Variants in SVOP observed in about 807,000 individuals in gnomAD.
SVOP encodes synaptic vesicle 2-related protein.
A neutral mutation model predicts 69.1 loss-of-function variants in SVOP; 17 were observed. That is an observed-to-expected ratio of 0.25 (90% CI 0.17 to 0.37). The LOEUF is 0.37. Among genes scored for constraint, SVOP ranks in the 10% least tolerant of loss-of-function variants. The probability of loss-of-function intolerance (pLI) is 1.00; values close to 1 mark genes in which losing one functional copy is unlikely to be tolerated. For missense variants in SVOP, 435 were observed against 597.5 expected, an observed-to-expected ratio of 0.73 and a Z score of 2.84; for synonymous variants, 238 against 238.6, an observed-to-expected ratio of 1.00 and a Z score of 0.02.
Position 108,976,706 on chromosome 12 carries a change from C to T in SVOP, c.381+692G>A, listed in dbSNP as rs569634140. On this transcript the variant is annotated intron_variant, in intron 4 of 15. Coordinates refer to ENST00000610966, the MANE Select transcript of SVOP (RefSeq NM_018711.5). ...TCTCAGCTCACTGCAACCTCTGCCTCCCGGATTCAAGCAATTCTCCTGCCT... is the reference window on the plus strand; with the variant it reads ...TCTCAGCTCACTGCAACCTCTGCCTTCCGGATTCAAGCAATTCTCCTGCCT... Among the ~76,000 whole-genome samples, 33 of 152,086 alleles carry T rather than the reference C, an allele frequency of 2.2e-4. No individual in the cohort carries two copies. The South Asian group carries it at 4.8e-3, about 22-fold the overall frequency.
At chr12:108,986,109 CA>C (rs1442370490) in intron 1 of SVOP, among the ~76,000 whole-genome samples, 2 of 152,212 alleles carry the variant, frequency 1.3e-5, no homozygotes, top group African/African-American at 4.8e-5. Context: ...GCTAACATTT[CA>C]CCCCCTCTAC....
At chr12:108,955,052 C>A (rs1189428374) in intron 6 of SVOP, among the ~76,000 whole-genome samples, 1 of 152,202 alleles carries the variant, frequency 6.6e-6, no homozygotes, top group African/African-American at 2.4e-5. Context: ...TTTCTTACTA[C>A]TTCTATGTCA....
At chr12:108,945,070 T>C (rs1350376949) in intron 7 of SVOP, 33 bp downstream of exon 7, 5 of 1,534,506 alleles carry the variant, frequency 3.3e-6, no homozygotes, top group African/African-American at 2.7e-5. Flanking sequence ...GGAATCCACA[T>C]GCTCTAGAGA....
intron 10 of SVOP, chr12:108,936,965 G>A: frequency 8.2e-6 from 3 of 364,030 alleles, no homozygotes; most frequent in Non-Finnish European, 1.5e-5. Flanking sequence ...GGGAGGCTGA[G>A]GAGGGAGGAT....
intron 1 of SVOP, among the ~76,000 whole-genome samples, chr12:108,984,938 T>C (rs2137439523): frequency 6.6e-6 from 1 of 152,172 alleles, no homozygotes; most frequent in Non-Finnish European, 1.5e-5. Flanking sequence ...TTGAGGAAAG[T>C]TTGGGGTGCT....
At chr12:109,001,264 C>A (rs1481733269) in intron 1 of SVOP, among the ~76,000 whole-genome samples, 1 of 108,380 alleles carries the variant, frequency 9.2e-6, no homozygotes, top group East Asian at 2.8e-4. Context: ...ATGTGAAGGA[C>A]CTCTTCAAGG....
intron 15 of SVOP, among the ~76,000 whole-genome samples, chr12:108,914,780 A>G (rs1189260642): frequency 6.6e-6 from 1 of 150,720 alleles, no homozygotes; most frequent in Admixed American, 6.6e-5. Context: ...CTGGTCTCGA[A>G]CTCCTGACCT....
chr12:108,935,859 T>C (rs1313466550), intron 10 of SVOP, among the ~76,000 whole-genome samples: 1 of 152,094 alleles, frequency 6.6e-6, no homozygotes, highest in African/African-American at 2.4e-5. Context: ...TCCACTCCCT[T>C]CCATGGGTAT....
chr12:108,965,840 G>A (rs1406561338), intron 5 of SVOP, among the ~76,000 whole-genome samples: 1 of 152,136 alleles, frequency 6.6e-6, no homozygotes, highest in African/African-American at 2.4e-5. Context: ...CCTTCTTAAA[G>A]ATAAGATAGA....
At chr12:108,991,784 C>A (rs374281901) in intron 1 of SVOP, among the ~76,000 whole-genome samples, 13 of 147,822 alleles carry the variant, frequency 8.8e-5, no homozygotes, top group Admixed American at 1.3e-4. Context: ...CAAAAAAAAA[C>A]AAAAAAAAAA....
In SVOP at chr12:108,982,347, T is replaced by C. The variant is rs967604542; in HGVS notation, c.196+1254A>G. Among the ~76,000 whole-genome samples, 25 of 150,780 alleles carry C rather than the reference T, an allele frequency of 1.7e-4. No individual in the cohort carries two copies. The East Asian group carries it at 3.5e-3, about 21-fold the overall frequency. On this transcript the variant is annotated intron_variant, in intron 2 of 15. Transcript: ENST00000610966. Reference sequence around the variant, plus strand: ...ATCACCATCATCATCATCTTCACCATCATCATCATCACTATCATCACCACT... The same window carrying C: ...ATCACCATCATCATCATCTTCACCACCATCATCATCACTATCATCACCACT...
chr12:108,930,066 C>A (rs931427716), intron 11 of SVOP, among the ~76,000 whole-genome samples: 3 of 152,072 alleles, frequency 2.0e-5, no homozygotes, highest in Non-Finnish European at 4.4e-5. Context: ...TTTTGCCTGA[C>A]CTATGTGCTA....
At chr12:108,973,982 A>G (rs1265079773) in intron 4 of SVOP, among the ~76,000 whole-genome samples, 1 of 152,216 alleles carries the variant, frequency 6.6e-6, no homozygotes, top group Non-Finnish European at 1.5e-5. Context: ...CAGTCTAATC[A>G]AGCTGTCAGC....
Position 108,963,704 on chromosome 12 carries a change from G to A in SVOP, c.454-2657C>T, listed in dbSNP as rs182186406. ...GTTTTGCCATGTTGACCAGGGTTTC[G>A]CCATGTTGCCCAGGCTGGTCTCGAA... On this transcript the variant is annotated intron_variant, in intron 5 of 15. Transcript: ENST00000610966. 1.5e-3 allele frequency among the ~76,000 whole-genome samples: 226 copies of A among 151,886 alleles called. 1 individual carries two copies. The highest frequency in any genetic ancestry group is 6.1e-3 in the Admixed American group (93 of 15,220).
chr12:109,012,696 A>G (rs2040348802), intron 1 of SVOP, among the ~76,000 whole-genome samples: 1 of 152,128 alleles, frequency 6.6e-6, no homozygotes, highest in African/African-American at 2.4e-5. Flanking sequence ...GGGAGGCCAA[A>G]GCAGGTGGAT....
intron 2 of SVOP, among the ~76,000 whole-genome samples, chr12:108,982,882 C>CATCACCACCATCATCATCATCACT (rs2040147864): frequency 7.7e-6 from 1 of 129,098 alleles, no homozygotes; most frequent in African/African-American, 2.9e-5. Flanking sequence ...TCATCACTAT[C>CATCACCACCATCATCATCATCACT]ATCATCATCA....
At chr12:108,922,226 A>G (rs543866263) in intron 12 of SVOP, among the ~76,000 whole-genome samples, 1 of 152,298 alleles carries the variant, frequency 6.6e-6, no homozygotes, top group African/African-American at 2.4e-5. Flanking sequence ...CGTCCAATAT[A>G]ATAAAGATGA....
At position 108,912,487 on chromosome 12, in the gene SVOP, C is replaced by A; in HGVS notation, c.*48G>T. 6.2e-7 allele frequency: 1 copy of A among 1,608,162 alleles called. No individual in the cohort carries two copies. Among genetic ancestry groups the A allele is most frequent in the Admixed American group, 1.7e-5 (1 of 59,902 alleles). On this transcript the variant is annotated 3_prime_UTR_variant, in exon 16 of 16. Coordinates refer to ENST00000610966, the MANE Select transcript of SVOP (RefSeq NM_018711.5). Reference sequence around the variant, plus strand: ...AGTGCCCCAGTTGGGGCCTGCCAGCCCCCCAAGCTCTGCAGCCTCAAAGAC... The same window carrying A: ...AGTGCCCCAGTTGGGGCCTGCCAGCACCCCAAGCTCTGCAGCCTCAAAGAC...
At chr12:108,923,798 C>A (rs749808205) in intron 11 of SVOP, among the ~76,000 whole-genome samples, 3 of 152,078 alleles carry the variant, frequency 2.0e-5, no homozygotes, top group Non-Finnish European at 2.9e-5. Context: ...TGGAGTGGAA[C>A]CCAATGGCCA....
Sources: gnomAD v4.1 joint callset for allele counts (sites outside exome capture counted in the v4.1 genomes callset) on GRCh38, gnomAD v4.1.1 for gene constraint, MANE v1.5 for transcripts, NCBI Gene and HGNC (gene_info 2026-07-23, HGNC 2026-07-21) for gene names.